DOCK4: variants seen among roughly 807,000 people sequenced by gnomAD.
DOCK4 encodes the protein dedicator of cytokinesis 4, also known as dedicator of cytokinesis protein 4.
DOCK4 carries 97 observed loss-of-function variants against 268.1 expected under a neutral mutation model. The observed-to-expected ratio is 0.36, with a 90% CI of 0.31 to 0.43. DOCK4 has a LOEUF of 0.43. Ranked by LOEUF, DOCK4 falls within the 20% of genes least tolerant of loss-of-function variation. The probability of loss-of-function intolerance (pLI) is 1.00; values close to 1 mark genes in which losing one functional copy is unlikely to be tolerated. For missense variants in DOCK4, 2,145 were observed against 2,455.7 expected (o/e 0.87, Z 2.67); for synonymous variants, 954 against 887.2 (o/e 1.08, Z -1.34).
At chr7:112,142,430 A>G (rs1815022589) in intron 1 of DOCK4, among the ~76,000 whole-genome samples, 1 of 152,172 alleles carries the variant, frequency 6.6e-6, no homozygotes, top group Non-Finnish European at 1.5e-5. Flanking sequence ...CATGCAGAAG[A>G]GCCAAGAATT....
chr7:112,052,736 C>T (rs1483770466), intron 1 of DOCK4, among the ~76,000 whole-genome samples: 5 of 152,152 alleles, frequency 3.3e-5, no homozygotes, highest in Non-Finnish European at 7.4e-5. Flanking sequence ...TGTACATCCA[C>T]TCCCTCCCAC....
In DOCK4 at chr7:111,790,405, C is replaced by T. The variant is rs577145646; in HGVS notation, c.3315+52G>A. On this transcript the variant is annotated intron_variant, in intron 31 of 52. Transcript: ENST00000428084. ...AGTTGAATCCAGAAGTTCACAGATG[C>T]TTCAGGAGAGCTGAAACTCTTCCAA... 4.1e-4 allele frequency: 655 copies of T among 1,594,186 alleles called. 9 individuals are homozygous for T. The South Asian group carries it at 6.3e-3, about 15-fold the overall frequency.
intron 1 of DOCK4, among the ~76,000 whole-genome samples, chr7:112,128,109 C>A (rs1271060666): frequency 6.6e-6 from 1 of 152,218 alleles, no homozygotes; most frequent in Non-Finnish European, 1.5e-5. Context: ...ACCACAAACA[C>A]ACAATTTAAA....
At chr7:112,062,983 A>G (rs1040694284) in intron 1 of DOCK4, among the ~76,000 whole-genome samples, 4 of 152,154 alleles carry the variant, frequency 2.6e-5, no homozygotes, top group Non-Finnish European at 5.9e-5. Flanking sequence ...GGTCACTTTC[A>G]TTACTTTTAC....
chr7:111,951,647 CAAAAA>C (rs35968911), intron 8 of DOCK4, among the ~76,000 whole-genome samples: 1 of 85,852 alleles, frequency 1.2e-5, no homozygotes. Context: ...CCATCGCTAC[CAAAAA>C]AAAAAAAAAA....
At chr7:111,835,562 CT>C (rs1343314371) in intron 25 of DOCK4, among the ~76,000 whole-genome samples, 1 of 152,100 alleles carries the variant, frequency 6.6e-6, no homozygotes, top group Non-Finnish European at 1.5e-5. Context: ...TCAATGCAAC[CT>C]TTTGTGCTCA....
intron 23 of DOCK4, among the ~76,000 whole-genome samples, chr7:111,854,739 A>G (rs893597187): frequency 2.0e-5 from 3 of 152,200 alleles, no homozygotes; most frequent in Admixed American, 1.3e-4. Flanking sequence ...GTCAGTACCT[A>G]GTGTTCATGA....
At chr7:111,939,051 AG>A (rs1794987086) in intron 11 of DOCK4, among the ~76,000 whole-genome samples, 1 of 151,814 alleles carries the variant, frequency 6.6e-6, no homozygotes, top group Non-Finnish European at 1.5e-5. Flanking sequence ...AGATGAAGGC[AG>A]AGATCAGAGT....
intron 8 of DOCK4, chr7:111,971,365 G>A: frequency 5.2e-6 from 1 of 193,766 alleles, no homozygotes; most frequent in Non-Finnish European, 1.1e-5. Flanking sequence ...AGCTTCCACT[G>A]GCTTAACCAA....
intron 42 of DOCK4, 77 bp downstream of exon 42, chr7:111,755,438 A>T: frequency 3.4e-5 from 47 of 1,386,080 alleles, no homozygotes; most frequent in Non-Finnish European, 4.5e-5. Flanking sequence ...GTCGAAGGAG[A>T]AGTAATGAAT....
At chr7:111,870,323 CTTTTTTT>C (rs796444724) in intron 20 of DOCK4, among the ~76,000 whole-genome samples, 4 of 131,358 alleles carry the variant, frequency 3.0e-5, no homozygotes, top group Non-Finnish European at 6.5e-5. Context: ...TTTTTCTTTT[CTTTTTTT>C]TTTTTTTTTT....
chr7:112,124,868 C>T (rs1813072674), intron 1 of DOCK4, among the ~76,000 whole-genome samples: 2 of 152,128 alleles, frequency 1.3e-5, no homozygotes, highest in South Asian at 4.1e-4. Context: ...CAATAACCTG[C>T]TTAAACTTTT....
intron 1 of DOCK4, among the ~76,000 whole-genome samples, chr7:112,098,110 T>C (rs1027110251): frequency 2.0e-5 from 3 of 152,220 alleles, no homozygotes; most frequent in Admixed American, 1.3e-4. Flanking sequence ...ATAATCCATA[T>C]ACCTCTGCTC....
intron 1 of DOCK4, among the ~76,000 whole-genome samples, chr7:112,080,346 G>A (rs958706387): frequency 2.0e-5 from 3 of 151,852 alleles, no homozygotes; most frequent in Admixed American, 6.6e-5. Context: ...TAATTTATTC[G>A]CTAACTTTAG....
chr7:111,956,626 G>A (rs1796471360), intron 8 of DOCK4, among the ~76,000 whole-genome samples: 1 of 152,134 alleles, frequency 6.6e-6, no homozygotes, highest in Non-Finnish European at 1.5e-5. Flanking sequence ...TCTGTAAAGT[G>A]TTCATTTACT....
In DOCK4 at chr7:112,159,837, T is replaced by C. The variant is rs188613301; in HGVS notation, c.37+46265A>G. On this transcript the variant is annotated intron_variant, in intron 1 of 52. Coordinates refer to ENST00000428084, the MANE Select transcript of DOCK4 (RefSeq NM_001363540.2). ...AATAATACATAATATTATGTATATA[T>C]ATACATAATATATATACATAATGTA... Among the ~76,000 whole-genome samples, 7 of 148,282 alleles carry C rather than the reference T, an allele frequency of 4.7e-5. No individual in the cohort carries two copies. In the East Asian group the frequency reaches 1.4e-3, roughly 29 times the overall value.
intron 23 of DOCK4, among the ~76,000 whole-genome samples, chr7:111,856,434 T>G (rs914401986): frequency 1.3e-5 from 2 of 152,232 alleles, no homozygotes; most frequent in African/African-American, 4.8e-5. Context: ...TTGCCCTGTC[T>G]AGAGACAGAT....
At chr7:111,909,221 A>G (rs1791881579) in intron 13 of DOCK4, among the ~76,000 whole-genome samples, 1 of 152,196 alleles carries the variant, frequency 6.6e-6, no homozygotes, top group South Asian at 2.1e-4. Context: ...CTGGTGTGAG[A>G]TATATCTCAT....
chr7:111,775,157 C>T (rs1798365904), intron 36 of DOCK4, among the ~76,000 whole-genome samples: 1 of 152,260 alleles, frequency 6.6e-6, no homozygotes, highest in African/African-American at 2.4e-5. Context: ...CTAGAAAAGT[C>T]AAAGATACAT....
Sources: allele counts gnomAD v4.1 joint callset (sites outside exome capture counted in the v4.1 genomes callset), GRCh38; gene constraint gnomAD v4.1.1; transcripts MANE v1.5; gene names NCBI Gene and HGNC (gene_info 2026-07-23, HGNC 2026-07-21).